ASTN2: variants seen among roughly 807,000 people sequenced by gnomAD.
ASTN2 encodes astrotactin-2.
In ASTN2, 54 loss-of-function variants were observed where a neutral mutation model predicts 139.8. The observed-to-expected ratio is 0.39, with a 90% CI of 0.31 to 0.48. The LOEUF (loss-of-function observed/expected upper bound fraction) is 0.48, where lower values mean the gene tolerates loss of function less well. Among genes scored for constraint, ASTN2 ranks in the 20% least tolerant of loss-of-function variants. The probability of loss-of-function intolerance (pLI) is 0.95; values close to 1 mark genes in which losing one functional copy is unlikely to be tolerated. For synonymous variants in ASTN2, 756 were observed against 719.5 expected (o/e 1.05, Z -0.81); for missense variants, 1,565 against 1,725.1 (o/e 0.91, Z 1.64).
intron 11 of ASTN2, among the ~76,000 whole-genome samples, chr9:116,830,791 CA>C (rs35912144): frequency 8.3e-4 from 81 of 97,048 alleles, no homozygotes; most frequent in Non-Finnish European, 9.6e-4. Context: ...GACCCTATGT[CA>C]AAAAAAAAAA....
In ASTN2 at chr9:116,805,756, C is replaced by T. The variant is rs779197325; in HGVS notation, c.2272G>A (p.Glu758Lys). 13 of 1,613,832 alleles carry T rather than the reference C, an allele frequency of 8.1e-6. No homozygotes were observed. The highest frequency in any genetic ancestry group is 2.2e-5 in the East Asian group (1 of 44,894). The stretch of plus-strand genomic sequence containing the variant: ...TCAGGTTTGAGGCACTTGGGGCCCT[C>T]GCAGACATCTGAGAGCATTAAGCAG... ...KSCLMLSDVC[E>K]GPKCLKPDSK... is the part of the protein sequence containing the mutation. Residue 758 changes from glutamate to lysine, a missense_variant, in exon 13 of 23, where the codon GAG (glutamate) becomes AAG (lysine). By Grantham distance (56) the Glu-to-Lys change is moderately conservative. Around this residue, in one of 4 missense-constraint regions of ASTN2, gnomAD observed 503 missense variants for 591.7 expected, o/e 0.85. Coordinates refer to ENST00000313400, the MANE Select transcript of ASTN2 (RefSeq NM_001365068.1).
At chr9:117,092,319 C>T (rs1564422109) in intron 5 of ASTN2, among the ~76,000 whole-genome samples, 1 of 152,084 alleles carries the variant, frequency 6.6e-6, no homozygotes, top group African/African-American at 2.4e-5. Context: ...GTGCAGGGCC[C>T]TTAACCAGTG....
intron 22 of ASTN2, among the ~76,000 whole-genome samples, chr9:116,433,307 A>AAACAGAAACAGGCAGAT (rs1159276888): frequency 6.6e-6 from 1 of 152,228 alleles, no homozygotes; most frequent in African/African-American, 2.4e-5. Flanking sequence ...GCATATTGTT[A>AAACAGAAACAGGCAGAT]AACAGAAACA....
intron 10 of ASTN2, among the ~76,000 whole-genome samples, chr9:116,921,644 G>GT (rs1834612110): frequency 6.6e-6 from 1 of 151,820 alleles, no homozygotes; most frequent in South Asian, 2.1e-4. Flanking sequence ...AACAAAGGAG[G>GT]TTTAATTGAC....
chr9:116,753,951 A>C (rs13297442), intron 13 of ASTN2, among the ~76,000 whole-genome samples: 22,493 of 149,782 alleles, frequency 0.15, 2,099 homozygotes, highest in Non-Finnish European at 0.21. Context: ...CCCGAGCCCC[A>C]CACCTTGCAA....
chr9:116,981,387 A>T (rs774162342), intron 7 of ASTN2, among the ~76,000 whole-genome samples: 1 of 152,240 alleles, frequency 6.6e-6, no homozygotes, highest in Non-Finnish European at 1.5e-5. Flanking sequence ...TACATCCAAG[A>T]TAGGTATTTG....
At chr9:116,681,839 T>C (rs1295311755) in intron 16 of ASTN2, among the ~76,000 whole-genome samples, 1 of 151,506 alleles carries the variant, frequency 6.6e-6, no homozygotes, top group African/African-American at 2.4e-5. Flanking sequence ...AAGCTGAAAC[T>C]GGATCCCTTC....
At chr9:117,018,271 T>C (rs964432598) in intron 6 of ASTN2, among the ~76,000 whole-genome samples, 11 of 152,186 alleles carry the variant, frequency 7.2e-5, no homozygotes, top group African/African-American at 2.7e-4. Context: ...AGCTTCACTA[T>C]GCTCCCTGCA....
chr9:116,865,770 T>A (rs1832999483), intron 10 of ASTN2, among the ~76,000 whole-genome samples: 1 of 152,176 alleles, frequency 6.6e-6, no homozygotes, highest in Non-Finnish European at 1.5e-5. Context: ...TGCAGGCACC[T>A]CTCTCAATCC....
At chr9:117,357,241 A>G (rs931126587) in intron 1 of ASTN2, among the ~76,000 whole-genome samples, 1 of 152,208 alleles carries the variant, frequency 6.6e-6, no homozygotes, top group Admixed American at 6.5e-5. Flanking sequence ...TTTTTAATAT[A>G]AATATGAATA....
At chr9:116,612,088 A>C (rs1187436249) in intron 19 of ASTN2, 1 of 152,150 alleles carries the variant, frequency 6.6e-6, no homozygotes, top group Non-Finnish European at 1.5e-5. Flanking sequence ...TAATAGACAC[A>C]GAAAATTCAA....
At chr9:116,804,064 C>G (rs757857039) in intron 13 of ASTN2, among the ~76,000 whole-genome samples, 3 of 152,068 alleles carry the variant, frequency 2.0e-5, no homozygotes, top group Non-Finnish European at 4.4e-5. Context: ...GGGGCCATTT[C>G]TATCTCCTTT....
At chr9:116,833,303 A>G (rs903838924) in intron 11 of ASTN2, among the ~76,000 whole-genome samples, 9 of 151,846 alleles carry the variant, frequency 5.9e-5, no homozygotes, top group Non-Finnish European at 1.3e-4. Context: ...CTTCCTTTTC[A>G]GTCTTGCTTG....
At chr9:116,588,337 T>C (rs1173561538) in intron 19 of ASTN2, among the ~76,000 whole-genome samples, 1 of 152,238 alleles carries the variant, frequency 6.6e-6, no homozygotes, top group Non-Finnish European at 1.5e-5. Context: ...TGGAAAATAC[T>C]TTAGCAGCAC....
chr9:116,752,220 G>A (rs941556723), intron 13 of ASTN2, among the ~76,000 whole-genome samples: 4 of 152,140 alleles, frequency 2.6e-5, no homozygotes, highest in African/African-American at 4.8e-5. Flanking sequence ...GATCTTTAAC[G>A]CAGAAGCAAA....
chr9:116,981,737 T>C (rs1453360684), intron 7 of ASTN2, among the ~76,000 whole-genome samples: 3 of 152,222 alleles, frequency 2.0e-5, no homozygotes, highest in East Asian at 3.8e-4. Context: ...AATGAGAGCA[T>C]TGACAAACAG....
intron 13 of ASTN2, among the ~76,000 whole-genome samples, chr9:116,772,705 C>T (rs1829985900): frequency 6.6e-6 from 1 of 152,158 alleles, no homozygotes; most frequent in African/African-American, 2.4e-5. Context: ...CCAGGACTTC[C>T]CTCCTCCTCA....
intron 3 of ASTN2, among the ~76,000 whole-genome samples, chr9:117,189,599 G>T (rs1564468553): frequency 6.6e-6 from 1 of 152,148 alleles, no homozygotes; most frequent in African/African-American, 2.4e-5. Flanking sequence ...TTATATATAT[G>T]ATTTCCTTAA....
chr9:116,749,966 C>A (rs1439495937), intron 13 of ASTN2, among the ~76,000 whole-genome samples: 1 of 152,182 alleles, frequency 6.6e-6, no homozygotes, highest in Non-Finnish European at 1.5e-5. Context: ...GCCTGCAGAA[C>A]CATGAGCTAA....
Sources: allele counts gnomAD v4.1 joint callset (sites outside exome capture counted in the v4.1 genomes callset), GRCh38; gene constraint gnomAD v4.1.1; regional missense constraint gnomAD v4.1.1; transcripts MANE v1.5; gene names NCBI Gene and HGNC (gene_info 2026-07-23, HGNC 2026-07-21).